The following MGMT variants were observed in gnomAD, a reference collection of about 807,000 sequenced individuals.
MGMT encodes the protein O-6-methylguanine-DNA methyltransferase.
In MGMT, 14 loss-of-function variants were observed where a neutral mutation model predicts 15.9. That is an observed-to-expected ratio of 0.88 (90% CI 0.58 to 1.37). MGMT has a LOEUF of 1.37. MGMT is among the 40% of genes most tolerant of loss of function. MGMT has a pLI of 0.00. For missense variants in MGMT, 282 were observed against 268.1 expected, an observed-to-expected ratio of 1.05 and a Z score of -0.36; for synonymous variants, 130 against 118.2, an observed-to-expected ratio of 1.10 and a Z score of -0.65.
At chr10:129,742,378 C>T (rs1447503311) in intron 3 of MGMT, among the ~76,000 whole-genome samples, 3 of 152,266 alleles carry the variant, frequency 2.0e-5, no homozygotes, top group Non-Finnish European at 4.4e-5. Context: ...GATGGAGTCC[C>T]ACCTCGGTGC....
At chr10:129,741,875 C>G (rs1310286051) in intron 3 of MGMT, among the ~76,000 whole-genome samples, 1 of 152,168 alleles carries the variant, frequency 6.6e-6, no homozygotes, top group Non-Finnish European at 1.5e-5. Flanking sequence ...CCGTCCAGGC[C>G]TGAGAGAGCA....
intron 3 of MGMT, among the ~76,000 whole-genome samples, chr10:129,737,561 G>C (rs1241806752): frequency 1.3e-5 from 2 of 152,234 alleles, no homozygotes; most frequent in South Asian, 4.1e-4. Context: ...ACTCGTCAAA[G>C]TCATTCTCCA....
At chr10:129,727,892 A>C (rs1848450961) in intron 3 of MGMT, among the ~76,000 whole-genome samples, 1 of 152,174 alleles carries the variant, frequency 6.6e-6, no homozygotes, top group African/African-American at 2.4e-5. Context: ...TGGGATTTGA[A>C]CACATGGAGT....
At chr10:129,504,652 G>A (rs1240190180) in intron 1 of MGMT, among the ~76,000 whole-genome samples, 1 of 152,150 alleles carries the variant, frequency 6.6e-6, no homozygotes, top group Non-Finnish European at 1.5e-5. Flanking sequence ...AGAAGGACTA[G>A]AGAGGATGCC....
intron 3 of MGMT, among the ~76,000 whole-genome samples, chr10:129,738,464 T>C (rs1174818440): frequency 6.6e-6 from 1 of 152,222 alleles, no homozygotes; most frequent in African/African-American, 2.4e-5. Flanking sequence ...TGGCACTCCC[T>C]AGTGAGATGA....
At chr10:129,642,883 G>T (rs1038388457) in intron 2 of MGMT, among the ~76,000 whole-genome samples, 1 of 151,610 alleles carries the variant, frequency 6.6e-6, no homozygotes, top group African/African-American at 2.4e-5. Context: ...AGTGAGCCGC[G>T]ATCCCACCAA....
intron 2 of MGMT, chr10:129,563,858 T>C (rs1389665685): frequency 6.6e-6 from 1 of 152,242 alleles, no homozygotes; most frequent in Non-Finnish European, 1.5e-5. Flanking sequence ...CGCACTGCGT[T>C]AATGGCCTCA....
intron 2 of MGMT, among the ~76,000 whole-genome samples, chr10:129,678,516 A>G (rs762354811): frequency 2.4e-4 from 37 of 152,294 alleles, no homozygotes; most frequent in Admixed American, 5.2e-4. Context: ...CATCACCTCC[A>G]GTTACCTCAG....
chr10:129,628,435 G>A (rs992209747), intron 2 of MGMT, among the ~76,000 whole-genome samples: 1 of 152,134 alleles, frequency 6.6e-6, no homozygotes, highest in Non-Finnish European at 1.5e-5. Flanking sequence ...TCGCTCGGTC[G>A]CTGGGCAGTG....
chr10:129,602,225 A>T (rs1419289870), intron 2 of MGMT, among the ~76,000 whole-genome samples: 1 of 152,126 alleles, frequency 6.6e-6, no homozygotes, highest in Non-Finnish European at 1.5e-5. Flanking sequence ...TTTAAAGTAC[A>T]AAATTTTAAT....
At chr10:129,666,101 A>G (rs1211813219) in intron 2 of MGMT, among the ~76,000 whole-genome samples, 1 of 152,208 alleles carries the variant, frequency 6.6e-6, no homozygotes, top group Admixed American at 6.5e-5. Flanking sequence ...GGGGAGAGAA[A>G]GAAAAAACAG....
intron 3 of MGMT, among the ~76,000 whole-genome samples, chr10:129,726,097 A>C (rs910911344): frequency 6.6e-6 from 1 of 152,082 alleles, no homozygotes; most frequent in Non-Finnish European, 1.5e-5. Context: ...ATGAGGGACC[A>C]TGAGTAGCTT....
intron 2 of MGMT, among the ~76,000 whole-genome samples, chr10:129,663,453 AG>A (rs1392732281): frequency 2.3e-4 from 35 of 152,196 alleles, no homozygotes; most frequent in Non-Finnish European, 4.7e-4. Flanking sequence ...TTAAAAGGGA[AG>A]CCAAAAAAGT....
chr10:129,708,786 C>T (rs766072595), intron 3 of MGMT, among the ~76,000 whole-genome samples: 1 of 152,022 alleles, frequency 6.6e-6, no homozygotes, highest in Admixed American at 6.6e-5. Context: ...TGGAGTTGTA[C>T]ACTTATATAT....
intron 2 of MGMT, among the ~76,000 whole-genome samples, chr10:129,604,264 G>A (rs1249629686): frequency 6.6e-6 from 1 of 152,150 alleles, no homozygotes; most frequent in Non-Finnish European, 1.5e-5. Context: ...TGGATTTGGA[G>A]TAAAAATTGT....
At chr10:129,531,415 A>C (rs958331781) in intron 1 of MGMT, among the ~76,000 whole-genome samples, 1 of 151,772 alleles carries the variant, frequency 6.6e-6, no homozygotes, top group Non-Finnish European at 1.5e-5. Flanking sequence ...ATTGAAACTC[A>C]CTTTTCTCAC....
intron 1 of MGMT, among the ~76,000 whole-genome samples, chr10:129,479,772 T>C (rs1277683359): frequency 2.0e-5 from 3 of 147,890 alleles, no homozygotes; most frequent in Non-Finnish European, 4.5e-5. Context: ...GCCCTCTCCG[T>C]GTTGTGGAGG....
At chr10:129,546,772 G>A (rs1221806150) in intron 2 of MGMT, among the ~76,000 whole-genome samples, 2 of 152,304 alleles carry the variant, frequency 1.3e-5, no homozygotes, top group Middle Eastern at 3.4e-3. Flanking sequence ...GGCCCTGAAC[G>A]TAAGAATTCC....
chr10:129,596,762 T>TTCAGGCCACGGCCCTGCTC (rs1846756076), intron 2 of MGMT, among the ~76,000 whole-genome samples: 1 of 152,220 alleles, frequency 6.6e-6, no homozygotes, highest in East Asian at 1.9e-4. Flanking sequence ...AGGTCGTGCT[T>TTCAGGCCACGGCCCTGCTC]GCGTTTCAGG....
Sources: gnomAD v4.1 joint callset for allele counts (sites outside exome capture counted in the v4.1 genomes callset) on GRCh38, gnomAD v4.1.1 for gene constraint, MANE v1.5 for transcripts, NCBI Gene and HGNC (gene_info 2026-07-23, HGNC 2026-07-21) for gene names.